PDE1C: variants seen among roughly 807,000 people sequenced by gnomAD.
PDE1C encodes phosphodiesterase 1C.
PDE1C carries 62 observed loss-of-function variants against 93.1 expected under a neutral mutation model. The ratio of observed to expected loss-of-function variants is 0.67; its 90% confidence interval spans 0.54 to 0.82. The LOEUF (loss-of-function observed/expected upper bound fraction) is 0.82, where lower values mean the gene tolerates loss of function less well. PDE1C is among the 40% of genes least tolerant of loss of function. The probability of loss-of-function intolerance (pLI) is 0.00; values close to 1 mark genes in which losing one functional copy is unlikely to be tolerated. For synonymous variants in PDE1C, 325 were observed against 310.1 expected (o/e 1.05, Z -0.50); for missense variants, 742 against 884.6 (o/e 0.84, Z 2.04).
At chr7:31,625,371 C>A in the PDE1C span, among the ~76,000 whole-genome samples, 1 of 151,830 alleles carries the variant, frequency 6.6e-6, no homozygotes, top group African/African-American at 2.4e-5. Context: ...TGGAACCAAC[C>A]CAAATGTCCA....
At chr7:32,209,436 G>A in intron 2 of PDE1C, 1 of 1,431,614 alleles carries the variant, frequency 7.0e-7, no homozygotes, top group Non-Finnish European at 9.5e-7. Context: ...AAAGATCTCT[G>A]GAGAACATTT....
At chr7:31,972,869 A>G (rs1811144484) in intron 2 of PDE1C, among the ~76,000 whole-genome samples, 1 of 152,126 alleles carries the variant, frequency 6.6e-6, no homozygotes, top group African/African-American at 2.4e-5. Context: ...TCTGCCCCCC[A>G]TGAGCCTGGC....
Position 32,280,071 on chromosome 7 carries a change from G to T in PDE1C, c.85+18580C>A, listed in dbSNP as rs116907545. On this transcript the variant is annotated intron_variant, in intron 1 of 18. Coordinates refer to the PDE1C transcript ENST00000396193. ...CACACCCAATAGAATATATAAAAGG[G>T]ATTCACTAAAACATCAGAAGTAGAT... 3.1e-4 allele frequency among the ~76,000 whole-genome samples: 47 copies of T among 152,256 alleles called. 3 individuals are homozygous for T. The East Asian group carries it at 8.9e-3, about 29-fold the overall frequency.
At chr7:32,281,400 T>C (rs1436910520) in intron 1 of PDE1C, among the ~76,000 whole-genome samples, 2 of 152,188 alleles carry the variant, frequency 1.3e-5, no homozygotes, top group African/African-American at 2.4e-5. Context: ...ATTTTTAATT[T>C]TGATATATAA....
At chr7:32,138,976 AGTACCTAGTGTAATGGAGGAAAAT>A (rs947728520) in intron 3 of PDE1C, among the ~76,000 whole-genome samples, 1 of 152,206 alleles carries the variant, frequency 6.6e-6, no homozygotes, top group Non-Finnish European at 1.5e-5. Flanking sequence ...ACTGCCCAAC[AGTACCTAGTGTAATGGAGGAAAAT>A]GTACCTAGTG....
At chr7:31,774,154 C>T (rs1350914270) in intron 17 of PDE1C, among the ~76,000 whole-genome samples, 2 of 151,986 alleles carry the variant, frequency 1.3e-5, no homozygotes, top group South Asian at 2.1e-4. Flanking sequence ...AAAAAAAATG[C>T]TGCTAATTGA....
intron 15 of PDE1C, among the ~76,000 whole-genome samples, chr7:31,812,420 G>A (rs74583905): frequency 0.035 from 5,347 of 152,038 alleles, 139 homozygotes; most frequent in African/African-American, 0.068. Flanking sequence ...GCATTTATTG[G>A]TTTCTCCCAC....
At chr7:32,389,982 A>G (rs1040689633) in intron 1 of PDE1C, among the ~76,000 whole-genome samples, 2 of 152,230 alleles carry the variant, frequency 1.3e-5, no homozygotes, top group Non-Finnish European at 2.9e-5. Flanking sequence ...ATTGGTCTAT[A>G]TTGAAACAGG....
downstream of PDE1C, among the ~76,000 whole-genome samples, chr7:31,747,599 C>T (rs2128588844): frequency 6.6e-6 from 1 of 152,246 alleles, no homozygotes; most frequent in East Asian, 1.9e-4. Context: ...TGACACAAGG[C>T]TGGCCTACAC....
chr7:31,911,518 C>T (rs1405558706), intron 2 of PDE1C, among the ~76,000 whole-genome samples: 1 of 152,166 alleles, frequency 6.6e-6, no homozygotes, highest in African/African-American at 2.4e-5. Flanking sequence ...GTTAGCTAGT[C>T]TCCAAAGAAG....
intron 1 of PDE1C, among the ~76,000 whole-genome samples, chr7:32,319,065 C>G (rs113084054): frequency 0.013 from 1,985 of 152,338 alleles, 43 homozygotes; most frequent in African/African-American, 0.045. Context: ...GAGGATTTGA[C>G]CCATGTCCCT....
intron 2 of PDE1C, among the ~76,000 whole-genome samples, chr7:32,022,355 C>T (rs1025398371): frequency 3.0e-4 from 46 of 151,852 alleles, no homozygotes; most frequent in African/African-American, 1.0e-3. Flanking sequence ...GGAGGAAATC[C>T]GAAGAGAGGT....
chr7:31,974,001 A>G (rs1350247504), intron 2 of PDE1C, among the ~76,000 whole-genome samples: 5 of 152,190 alleles, frequency 3.3e-5, no homozygotes, highest in Non-Finnish European at 7.3e-5. Flanking sequence ...GCTGGACAGT[A>G]TGGCTCCTGT....
At chr7:31,663,633 A>G in the PDE1C span, among the ~76,000 whole-genome samples, 4 of 152,180 alleles carry the variant, frequency 2.6e-5, no homozygotes, top group South Asian at 2.1e-4. Context: ...TCAGCTTCAT[A>G]TATTCTGTTC....
chr7:31,674,540 T>C, the PDE1C span, among the ~76,000 whole-genome samples: 1 of 152,096 alleles, frequency 6.6e-6, no homozygotes, highest in Admixed American at 6.5e-5. Context: ...TAAAGATATA[T>C]AAATCCATGC....
intron 1 of PDE1C, among the ~76,000 whole-genome samples, chr7:32,354,105 T>C (rs1014503): frequency 0.089 from 13,492 of 152,226 alleles, 695 homozygotes; most frequent in East Asian, 0.13. Flanking sequence ...ATTCTATGAT[T>C]CTTGTAGAGT....
intron 9 of PDE1C, among the ~76,000 whole-genome samples, chr7:31,840,889 A>C (rs1025886903): frequency 2.0e-5 from 3 of 152,112 alleles, no homozygotes; most frequent in African/African-American, 7.2e-5. Flanking sequence ...ATTATTTGGC[A>C]TTTCTATATA....
rs180751421 is a variant in PDE1C, at chr7:32,192,985, T to C, written c.136+16504A>G. Among the ~76,000 whole-genome samples, 252 of 152,294 alleles carry C rather than the reference T, an allele frequency of 1.7e-3. 1 individual carries two copies. Among genetic ancestry groups the C allele is most frequent in the African/African-American group, 5.8e-3 (243 of 41,584 alleles). ...TTTTTATACAGGAATAGAATTGATT[T>C]TGTATGTTTATCTTATATACTGTGA... On this transcript the variant is annotated intron_variant, in intron 2 of 18. Transcript: ENST00000396193.
At chr7:32,230,056 A>G (rs1807579650) in intron 1 of PDE1C, among the ~76,000 whole-genome samples, 1 of 152,202 alleles carries the variant, frequency 6.6e-6, no homozygotes, top group Non-Finnish European at 1.5e-5. Context: ...TCCGGAATAG[A>G]AAAGAACATT....
Sources: allele counts gnomAD v4.1 joint callset (sites outside exome capture counted in the v4.1 genomes callset), GRCh38; gene constraint gnomAD v4.1.1; transcripts MANE v1.5; gene names NCBI Gene and HGNC (gene_info 2026-07-23, HGNC 2026-07-21).